NPAS2: variants seen among roughly 807,000 people sequenced by gnomAD.
The protein encoded by NPAS2 is neuronal PAS domain protein 2.
In NPAS2, 23 loss-of-function variants were observed where a neutral mutation model predicts 107.5. The ratio of observed to expected loss-of-function variants is 0.21; its 90% confidence interval spans 0.15 to 0.30. NPAS2 has a LOEUF of 0.30. NPAS2 is among the 10% of genes least tolerant of loss of function. The probability of loss-of-function intolerance (pLI) is 1.00; values close to 1 mark genes in which losing one functional copy is unlikely to be tolerated. For missense variants in NPAS2, 756 were observed against 1,043.3 expected (o/e 0.72, Z 3.79); for synonymous variants, 403 against 417.5 (o/e 0.97, Z 0.42).
Position 100,995,846 on chromosome 2 carries a change from G to T in NPAS2, c.*264G>T. On this transcript the variant is annotated 3_prime_UTR_variant, in exon 21 of 21. Coordinates refer to ENST00000335681, the MANE Select transcript of NPAS2 (RefSeq NM_002518.4). ...ACTGGACAGGAACCAGGTGCCCCGTGTAGGCATCGTCGGTCGGTTTGCCGT... is the reference window on the plus strand; with the variant it reads ...ACTGGACAGGAACCAGGTGCCCCGTTTAGGCATCGTCGGTCGGTTTGCCGT... 1 of 1,524,532 alleles carries T rather than the reference G, an allele frequency of 6.6e-7. No individual in the cohort carries two copies. The highest frequency in any genetic ancestry group is 8.8e-7 in the Non-Finnish European group (1 of 1,130,854). 94.4% of individuals were successfully genotyped at this position (1,524,532 alleles called of 1,614,324 possible).
At chr2:100,851,174 T>C (rs575569761) in intron 1 of NPAS2, among the ~76,000 whole-genome samples, 6 of 151,996 alleles carry the variant, frequency 3.9e-5, no homozygotes, top group Non-Finnish European at 7.4e-5. Flanking sequence ...AGAGATACCA[T>C]TTAATAGGAA....
intron 1 of NPAS2, among the ~76,000 whole-genome samples, chr2:100,833,752 T>C (rs1349433038): frequency 6.6e-6 from 1 of 152,234 alleles, no homozygotes; most frequent in Admixed American, 6.5e-5. Flanking sequence ...TGGGGCTGTT[T>C]TGCCATGATG....
intron 1 of NPAS2, among the ~76,000 whole-genome samples, chr2:100,828,487 C>T (rs1676525439): frequency 6.6e-6 from 1 of 152,108 alleles, no homozygotes; most frequent in Admixed American, 6.5e-5. Context: ...AGTGTCCAGA[C>T]TGATGTTTCC....
At position 100,965,545 on chromosome 2, in the gene NPAS2, C is replaced by T; in HGVS notation, c.801-115C>T. The T allele has an allele frequency of 1.5e-6, 1 of 650,186 alleles. No homozygotes were observed. Among genetic ancestry groups the T allele is most frequent in the East Asian group, 2.7e-5 (1 of 36,802 alleles). The allele number at this position is 650,186 out of a possible 1,614,324, so 40.3% of individuals were successfully genotyped here. A position where few individuals can be genotyped will look rare whatever the true frequency, so the allele number is the denominator to read the frequency against. On this transcript the variant is annotated intron_variant, in intron 9 of 20. Transcript: ENST00000335681. This position sits in a 1 kb window ranked among gnomAD's most constrained non-coding sequence, Gnocchi z 4.3. ...ACCATTACAAAGTTATTTTTCTCCC[C>T]TTGTTCTTGAGAAATGAGGCCTCCA...
intron 1 of NPAS2, among the ~76,000 whole-genome samples, chr2:100,821,504 G>A (rs1222027257): frequency 2.6e-5 from 4 of 152,154 alleles, no homozygotes; most frequent in African/African-American, 4.8e-5. Context: ...AACTTAATCA[G>A]CAGAGACGAG....
At chr2:100,824,168 C>T (rs923028926) in intron 1 of NPAS2, among the ~76,000 whole-genome samples, 57 of 152,292 alleles carry the variant, frequency 3.7e-4, no homozygotes, top group Admixed American at 3.5e-3. Flanking sequence ...AAATATGTTC[C>T]ATGTAGTTCA....
At chr2:100,884,853 C>T (rs1335053266) in intron 1 of NPAS2, among the ~76,000 whole-genome samples, 1 of 152,026 alleles carries the variant, frequency 6.6e-6, no homozygotes, top group Non-Finnish European at 1.5e-5. Flanking sequence ...GGACTTAGTA[C>T]TTCTGCCGTT....
intron 1 of NPAS2, among the ~76,000 whole-genome samples, chr2:100,843,988 A>T (rs1677610715): frequency 2.0e-5 from 3 of 152,026 alleles, no homozygotes; most frequent in Admixed American, 2.0e-4. Context: ...AGATACACCA[A>T]GAAGAGGTGA....
In NPAS2 at chr2:100,904,741, G is replaced by A. The variant is rs1003387209; in HGVS notation, c.-14G>A. 4 of 1,570,110 alleles carry A rather than the reference G, an allele frequency of 2.5e-6. No homozygotes were observed. Among genetic ancestry groups the A allele is most frequent in the Middle Eastern group, 1.7e-4 (1 of 5,896 alleles). Reference sequence around the variant, plus strand: ...TTTTTTTTTTTTTGCAGGAAAAACTGCATAGAAAATCTAATGGATGAAGAT... The same window carrying A: ...TTTTTTTTTTTTTGCAGGAAAAACTACATAGAAAATCTAATGGATGAAGAT... On this transcript the variant is annotated 5_prime_UTR_variant, in exon 2 of 21. Transcript: ENST00000335681.
At chr2:100,909,309 C>T (rs1352815678) in intron 2 of NPAS2, among the ~76,000 whole-genome samples, 1 of 152,236 alleles carries the variant, frequency 6.6e-6, no homozygotes, top group Non-Finnish European at 1.5e-5. Context: ...ACACTTTCTG[C>T]AGAGTCTGTT....
chr2:100,949,497 A>ACAAT lies in NPAS2; in HGVS notation c.598+17_598+18insCAAT. On this transcript the variant is annotated intron_variant, in intron 7 of 20. Coordinates refer to ENST00000335681, the MANE Select transcript of NPAS2 (RefSeq NM_002518.4). ...ACAACAATGGTAAGCTTTAATTGTC[A>ACAAT]TATAATTGTGACAGTGTCTTTTCTC... The ACAAT allele has an allele frequency of 1.4e-6, 2 of 1,388,330 alleles. No individual in the cohort carries two copies. The highest frequency in any genetic ancestry group is 2.1e-6 in the Non-Finnish European group (2 of 975,546). The allele number at this position is 1,388,330 out of a possible 1,614,324, so 86.0% of individuals were successfully genotyped here.
chr2:100,923,484 C>T (rs1558875706), intron 2 of NPAS2, among the ~76,000 whole-genome samples: 2 of 152,116 alleles, frequency 1.3e-5, no homozygotes, highest in African/African-American at 4.8e-5. Flanking sequence ...GAAATACGTC[C>T]TTTTGTGTCC....
chr2:100,887,873 G>T (rs1680812759), intron 1 of NPAS2, among the ~76,000 whole-genome samples: 2 of 152,160 alleles, frequency 1.3e-5, no homozygotes, highest in Non-Finnish European at 2.9e-5. Flanking sequence ...TCATCACCAT[G>T]GAAGAACTGG....
At chr2:100,920,339 T>C (rs574094113) in intron 2 of NPAS2, among the ~76,000 whole-genome samples, 1 of 152,306 alleles carries the variant, frequency 6.6e-6, no homozygotes, top group East Asian at 1.9e-4. Context: ...GTGACTGATA[T>C]GGTAATTAGC....
intron 1 of NPAS2, among the ~76,000 whole-genome samples, chr2:100,845,136 G>T (rs944973282): frequency 2.6e-5 from 4 of 152,194 alleles, no homozygotes; most frequent in African/African-American, 9.6e-5. Context: ...TGTGTGATCC[G>T]TTAGGGGAGC....
At chr2:100,857,671 C>T (rs1384243757) in intron 1 of NPAS2, among the ~76,000 whole-genome samples, 4 of 152,332 alleles carry the variant, frequency 2.6e-5, no homozygotes, top group East Asian at 1.9e-4. Flanking sequence ...AAATGGGTGG[C>T]GTGAAAACAC....
intron 1 of NPAS2, among the ~76,000 whole-genome samples, chr2:100,898,772 G>C (rs1375083669): frequency 8.2e-6 from 1 of 122,432 alleles, no homozygotes; most frequent in Non-Finnish European, 1.7e-5. Flanking sequence ...TTTAAATTTA[G>C]ATGTCTTTCA....
intron 1 of NPAS2, among the ~76,000 whole-genome samples, chr2:100,856,550 A>T (rs1160140588): frequency 6.6e-6 from 1 of 152,256 alleles, no homozygotes; most frequent in African/African-American, 2.4e-5. Flanking sequence ...TTTTTCATTC[A>T]GACTTTGAAA....
intron 1 of NPAS2, among the ~76,000 whole-genome samples, chr2:100,846,506 C>T (rs754065055): frequency 6.6e-6 from 1 of 152,024 alleles, no homozygotes. Context: ...TTTTTTTCTC[C>T]TAATAACAAC....
Sources: allele counts gnomAD v4.1 joint callset (sites outside exome capture counted in the v4.1 genomes callset), GRCh38; gene constraint gnomAD v4.1.1; non-coding constraint Gnocchi (gnomAD v3.1); transcripts MANE v1.5; gene names NCBI Gene and HGNC (gene_info 2026-07-23, HGNC 2026-07-21).